Variants in TRAM1 observed in about 807,000 individuals in gnomAD.
TRAM1 encodes the protein translocating chain-associated membrane protein 1.
TRAM1 carries 17 observed loss-of-function variants against 48.7 expected under a neutral mutation model. The observed-to-expected ratio is 0.35, with a 90% CI of 0.24 to 0.52. TRAM1 has a LOEUF of 0.52. Ranked by LOEUF, TRAM1 falls within the 20% of genes least tolerant of loss-of-function variation. The pLI is 0.94. For missense variants in TRAM1, 351 were observed against 441.5 expected, an observed-to-expected ratio of 0.79 and a Z score of 1.84; for synonymous variants, 182 against 154.0, an observed-to-expected ratio of 1.18 and a Z score of -1.34.
At chr8:70,591,004 T>TACAAAAA (rs763918840) in intron 6 of TRAM1, among the ~76,000 whole-genome samples, 1 of 140,830 alleles carries the variant, frequency 7.1e-6, no homozygotes, top group Admixed American at 6.9e-5. Flanking sequence ...ACAACAATAA[T>TACAAAAA]AATAAAAAAA....
chr8:70,587,455 A>G, intron 6 of TRAM1: 1 of 307,860 alleles, frequency 3.2e-6, no homozygotes, highest in Non-Finnish European at 6.0e-6. Flanking sequence ...TTAGGTATAT[A>G]GCATTAGCAA....
intron 1 of TRAM1, chr8:70,607,801 C>CAGGAA: frequency 3.8e-6 from 1 of 260,532 alleles, no homozygotes; most frequent in Non-Finnish European, 7.1e-6. Flanking sequence ...CGGGAGGGGG[C>CAGGAA]GGCGGCGGGT....
chr8:70,599,224 C>T (rs1563389890), intron 2 of TRAM1, among the ~76,000 whole-genome samples: 2 of 152,182 alleles, frequency 1.3e-5, no homozygotes, highest in Non-Finnish European at 2.9e-5. Flanking sequence ...CGCCACAGCA[C>T]TCCTGCCTAG....
intron 5 of TRAM1, 23 bp downstream of exon 5, chr8:70,596,240 A>G (rs958882673): frequency 6.4e-7 from 1 of 1,556,124 alleles, no homozygotes; most frequent in African/African-American, 1.4e-5. Context: ...TTAACAAAGA[A>G]AGGGCTGCTA....
chr8:70,577,004 G>C (rs1294907511), intron 10 of TRAM1, among the ~76,000 whole-genome samples: 2 of 152,152 alleles, frequency 1.3e-5, no homozygotes, highest in African/African-American at 4.8e-5. Flanking sequence ...CCCTAGATCT[G>C]GGGGCTTTTC....
chr8:70,596,280 A>G lies in TRAM1; in HGVS notation c.468T>C (p.Tyr156=). ...ISDPTILWRA[Y]PHNLMTFQMK... ...TGACTTACGTCATCAGGTTATGGGG[A>G]TAAGCCCTCCATAAGATAGTTGGGT... The change falls in exon 5 of 11, where the codon TAT becomes TAC. Residue 156 remains tyrosine (Y), a synonymous_variant. Coordinates refer to ENST00000262213, the MANE Select transcript of TRAM1 (RefSeq NM_014294.6). The G allele has an allele frequency of 6.2e-7, 1 of 1,600,888 alleles. No homozygotes were observed. Among genetic ancestry groups the G allele is most frequent in the Middle Eastern group, 1.7e-4 (1 of 6,030 alleles).
chr8:70,607,620 C>T (rs1031168784), intron 1 of TRAM1: 38 of 395,344 alleles, frequency 9.6e-5, no homozygotes, highest in African/African-American at 5.9e-4. Flanking sequence ...CCTCGGCCTT[C>T]CCCGGCCCTC....
chr8:70,607,460 G>A, intron 1 of TRAM1: 1 of 985,464 alleles, frequency 1.0e-6, no homozygotes, highest in Non-Finnish European at 1.2e-6. Flanking sequence ...CCTCCACTGC[G>A]CCGGTGCCCG....
intron 10 of TRAM1, 75 bp downstream of exon 10, chr8:70,583,089 T>C: frequency 6.7e-7 from 1 of 1,499,966 alleles, no homozygotes; most frequent in Non-Finnish European, 9.0e-7. Flanking sequence ...TTAAAACTAA[T>C]AAATAAGATC....
rs1441286572 is a variant in TRAM1 at position 70,574,176 on chromosome 8, A to T, written c.*756T>A. On this transcript the variant is annotated 3_prime_UTR_variant, in exon 11 of 11. Transcript: ENST00000262213. ...AATCATTATTAATAAACATATCAAA[A>T]AGGGCTATATGTCAGATTTTCCTGT... 2.6e-6 allele frequency: 1 copy of T among 388,734 alleles called. No homozygotes were observed. Among genetic ancestry groups the T allele is most frequent in the African/African-American group, 2.2e-5 (1 of 45,434 alleles). The allele number at this position is 388,734 out of a possible 1,614,324, so 24.1% of individuals were successfully genotyped here.
intron 10 of TRAM1, among the ~76,000 whole-genome samples, chr8:70,579,520 T>A (rs1256105606): frequency 6.6e-6 from 1 of 152,234 alleles, no homozygotes; most frequent in Non-Finnish European, 1.5e-5. Context: ...GGGAGACAAC[T>A]GTATTATCAC....
chr8:70,592,164 C>T (rs568029635), intron 6 of TRAM1, among the ~76,000 whole-genome samples: 10 of 152,096 alleles, frequency 6.6e-5, no homozygotes, highest in African/African-American at 2.4e-4. Flanking sequence ...AAGCTGTCTA[C>T]GAAATATTTT....
Position 70,583,563 on chromosome 8 carries a change from T to A in TRAM1, c.890+87A>T. On this transcript the variant is annotated intron_variant, in intron 9 of 10. Transcript: ENST00000262213. ...AGTATTTTCCCCAACCTCATATTCA[T>A]CCTTTTTTAGATGATTCAATGTAGA... 3 of 1,514,174 alleles carry A rather than the reference T, an allele frequency of 2.0e-6. No individual in the cohort carries two copies. In the South Asian group the frequency reaches 3.9e-5, roughly 20 times the overall value. The allele number at this position is 1,514,174 out of a possible 1,614,324, so 93.8% of individuals were successfully genotyped here.
chr8:70,597,333 C>T (rs1473404211), intron 4 of TRAM1, among the ~76,000 whole-genome samples: 3 of 152,058 alleles, frequency 2.0e-5, no homozygotes, highest in Non-Finnish European at 4.4e-5. Context: ...ACTCATGTAA[C>T]CTACGCTTTT....
intron 6 of TRAM1, among the ~76,000 whole-genome samples, chr8:70,588,680 C>T (rs1817281144): frequency 6.6e-6 from 1 of 152,160 alleles, no homozygotes; most frequent in Non-Finnish European, 1.5e-5. Flanking sequence ...CACAAACACA[C>T]AATGAATTAT....
intron 10 of TRAM1, among the ~76,000 whole-genome samples, chr8:70,580,040 T>C (rs1485840248): frequency 1.3e-5 from 2 of 152,012 alleles, no homozygotes; most frequent in Non-Finnish European, 2.9e-5. Flanking sequence ...AAAAAGAAAA[T>C]ACCTGAGAAT....
At chr8:70,600,200 C>A in intron 1 of TRAM1, 118 bp from the exon 2 acceptor site, 1 of 693,796 alleles carries the variant, frequency 1.4e-6, no homozygotes, top group Admixed American at 2.7e-5. Flanking sequence ...CCTCCTCGTT[C>A]CTGTGGAATC....
chr8:70,606,816 A>T, intron 1 of TRAM1: 3 of 840,506 alleles, frequency 3.6e-6, no homozygotes, highest in Non-Finnish European at 4.3e-6. Context: ...TTAAAATATT[A>T]TTTAATTTTA....
chr8:70,594,805 G>C (rs1817451293), intron 5 of TRAM1, among the ~76,000 whole-genome samples: 1 of 152,108 alleles, frequency 6.6e-6, no homozygotes, highest in African/African-American at 2.4e-5. Flanking sequence ...TTAAACAGCA[G>C]GCAAAGATAC....
Sources: allele counts gnomAD v4.1 joint callset (sites outside exome capture counted in the v4.1 genomes callset), GRCh38; gene constraint gnomAD v4.1.1; transcripts MANE v1.5; gene names NCBI Gene and HGNC (gene_info 2026-07-23, HGNC 2026-07-21).